Variants in DPH2 observed in about 807,000 individuals in gnomAD.
DPH2 encodes the protein diphthamide biosynthesis 2, also known as 2-(3-amino-3-carboxypropyl)histidine synthase subunit 2.
In DPH2, 28 loss-of-function variants were observed where a neutral mutation model predicts 42.5. The observed-to-expected ratio is 0.66, with a 90% CI of 0.49 to 0.90. The LOEUF (loss-of-function observed/expected upper bound fraction) is 0.90, where lower values mean the gene tolerates loss of function less well. DPH2 is among the 40% of genes least tolerant of loss of function. The pLI is 0.00. For synonymous variants in DPH2, 279 were observed against 264.4 expected (o/e 1.06, Z -0.53); for missense variants, 576 against 636.0 (o/e 0.91, Z 1.01).
chr1:43,971,358 A>G lies in DPH2; in HGVS notation c.485-29A>G, dbSNP rs780678710. On this transcript the variant is annotated intron_variant, in intron 3 of 5. Transcript: ENST00000255108. ...GGGAGCTCCTGCTTTGCCAGGCTCC[A>G]ACCTCAACACTACCTCCTTCTCTTC... The G allele has an allele frequency of 3.9e-6, 6 of 1,550,976 alleles. No individual in the cohort carries two copies. The African/African-American group carries it at 6.9e-5, about 18-fold the overall frequency.
rs1417441361 is a variant in DPH2 at position 43,971,211 on chromosome 1, T to C, written c.484+22T>C. 3 of 1,547,990 alleles carry C rather than the reference T, an allele frequency of 1.9e-6. No individual in the cohort carries two copies. In the South Asian group the frequency reaches 3.6e-5, roughly 18 times the overall value. On this transcript the variant is annotated intron_variant, in intron 3 of 5. Transcript: ENST00000255108. The stretch of plus-strand genomic sequence containing the variant: ...CTGGGTAAGGGGTTTTGCCTGTGTA[T>C]GCACAAAGGGTGAGCCAACTGCTTT...
rs1213179198 is a variant in DPH2 at position 43,971,817 on chromosome 1, C to A, written c.915C>A (p.Asn305Lys). 6.2e-7 allele frequency: 1 copy of A among 1,612,762 alleles called. No homozygotes were observed. Among genetic ancestry groups the A allele is most frequent in the Non-Finnish European group, 8.5e-7 (1 of 1,180,040 alleles). ...QHREALAHLR[N>K]LTQAAGKRSY... ...GTGAGGCACTGGCCCACTTGCGGAA[C>A]CTGACTCAGGCTGCTGGCAAGCGTA... Residue 305 changes from asparagine (N) to lysine (K), a missense_variant, in exon 4 of 6, where the codon AAC becomes AAA. Transcript: ENST00000255108.
Position 43,972,499 on chromosome 1 carries a change from GA to G in DPH2, c.1431del (p.Ile479LeufsTer86). On this transcript the variant is annotated frameshift_variant, in exon 6 of 6. Coordinates refer to ENST00000255108, the MANE Select transcript of DPH2 (RefSeq NM_001384.5). LOFTEE classifies it high-confidence loss of function. Reference sequence around the variant, plus strand: ...GTGACAGAAGCTGTGAGTGGAAGACGAGGGATTGCCATCGCCTATGAGGATG... The same window carrying G: ...GTGACAGAAGCTGTGAGTGGAAGACGGGGATTGCCATCGCCTATGAGGATG... ...TPVTEAVSGRRGIAIAYEDEG... is the reference protein window; with the variant it reads ...TPVTEAVSGRXGIAIAYEDEG... 6.2e-7 allele frequency: 1 copy of G among 1,614,266 alleles called. No homozygotes were observed. The highest frequency in any genetic ancestry group is 2.2e-5 in the East Asian group (1 of 44,892).
chr1:43,972,739 C>G lies in DPH2; in HGVS notation c.*200C>G, dbSNP rs147787761. On this transcript the variant is annotated 3_prime_UTR_variant, in exon 6 of 6. Transcript: ENST00000255108. ...CAAGCTCAGCACATGCCCAGTAATG[C>G]GTGTTGTTTGGCTGATGGAATAAAG... 1 of 690,018 alleles carries G rather than the reference C, an allele frequency of 1.4e-6. No individual in the cohort carries two copies. Among genetic ancestry groups the G allele is most frequent in the African/African-American group, 1.8e-5 (1 of 55,560 alleles). 42.7% of individuals were successfully genotyped at this position (690,018 alleles called of 1,614,324 possible).
chr1:43,971,059 G>T lies in DPH2; in HGVS notation c.354G>T (p.Leu118=). The change falls in exon 3 of 6, where the codon CTG becomes CTT. Residue 118 remains leucine, a synonymous_variant. Transcript: ENST00000255108. ...GCTTAAGCCCTCCAGCCCGCCCACT[G>T]CCCGTTGCCTTCGTGCTTCGTCAAC... The part of the protein sequence containing the change: ...PACLSPPARP[L]PVAFVLRQRS... 1 of 1,574,542 alleles carries T rather than the reference G, an allele frequency of 6.4e-7. No individual in the cohort carries two copies. Among genetic ancestry groups the T allele is most frequent in the Non-Finnish European group, 8.6e-7 (1 of 1,159,000 alleles).
chr1:43,972,372 C>G (rs2154302789), intron 5 of DPH2, 38 bp downstream of exon 5: 1 of 1,613,436 alleles, frequency 6.2e-7, no homozygotes, highest in Non-Finnish European at 8.5e-7. Flanking sequence ...TGAGCTTTTT[C>G]TCCAGATGCA....
intron 4 of DPH2, 39 bp from the exon 5 acceptor site, chr1:43,972,119 A>C: frequency 6.2e-7 from 1 of 1,609,386 alleles, no homozygotes; most frequent in Non-Finnish European, 8.5e-7. Flanking sequence ...GCACGGAGTC[A>C]GGGGGTGAGT....
Position 43,972,056 on chromosome 1 carries a change from C to T in DPH2, c.1154C>T (p.Ala385Val), listed in dbSNP as rs766685243. The change falls in exon 4 of 6, where the codon GCG (alanine) becomes GTG (valine). Residue 385 changes from alanine (A) to valine (V), a missense_variant. By Grantham distance (64) the Ala-to-Val change is moderately conservative (BLOSUM62 0). Coordinates refer to ENST00000255108, the MANE Select transcript of DPH2 (RefSeq NM_001384.5). The part of the protein sequence containing the change: ...PGLAPHLTHY[A>V]DLLPGSPFHV... Reference sequence around the variant, plus strand: ...CTGGCTCCCCACCTCACACATTATGCGGACTTATTGCCTGGTGAGTAGTGG... The same window carrying T: ...CTGGCTCCCCACCTCACACATTATGTGGACTTATTGCCTGGTGAGTAGTGG... The T allele has an allele frequency of 1.9e-5, 31 of 1,613,426 alleles. No individual in the cohort carries two copies. Among genetic ancestry groups the T allele is most frequent in the African/African-American group, 9.3e-5 (7 of 74,934 alleles).
In DPH2 at chr1:43,971,505, C is replaced by G. The variant is rs1014425893; in HGVS notation, c.603C>G (p.Arg201=). The G allele has an allele frequency of 1.2e-6, 2 of 1,614,234 alleles. No homozygotes were observed. Among genetic ancestry groups the G allele is most frequent in the Non-Finnish European group, 1.7e-6 (2 of 1,180,036 alleles). ...CTATGCCCCTAGAGCGTTTTGGGCG[C>G]CGCTTCCCCCTTGCCCCAGGGAGGC... ...PEPMPLERFG[R]RFPLAPGRRL... Residue 201 remains arginine, a synonymous_variant, in exon 4 of 6, where the codon CGC becomes CGG. Transcript: ENST00000255108.
At chr1:43,971,237 A>C in intron 3 of DPH2, 48 bp downstream of exon 3, 1 of 1,533,968 alleles carries the variant, frequency 6.5e-7, no homozygotes, top group Non-Finnish European at 8.8e-7. Flanking sequence ...CAACTGCTTT[A>C]TGCCTTAATT....
Position 43,971,418 on chromosome 1 carries a change from C to A in DPH2, c.516C>A (p.Tyr172Ter), listed in dbSNP as rs755703815. 21 of 1,605,828 alleles carry A rather than the reference C, an allele frequency of 1.3e-5. No individual in the cohort carries two copies. Among genetic ancestry groups the A allele is most frequent in the Non-Finnish European group, 1.8e-5 (21 of 1,174,556 alleles). ...EALATLLRPR[Y>*]LDLLVSSPAF... ...TGGCTACTCTCCTGCGCCCACGGTA[C>A]CTGGACCTGCTAGTCTCCAGCCCAG... is the stretch of plus-strand genomic sequence containing the variant. The change falls in exon 4 of 6, where the codon TAC becomes TAA. Residue 172 changes from tyrosine (Y) to a stop codon, truncating the protein, a stop_gained. Transcript: ENST00000255108. LOFTEE classifies it high-confidence loss of function.
chr1:43,972,546 G>A lies in DPH2; in HGVS notation c.*7G>A. ...GGATGAGGGAAGCGGCTGATACCAT[G>A]TGGGGCTGGAGACATAGATGGACTT... On this transcript the variant is annotated 3_prime_UTR_variant, in exon 6 of 6. Transcript: ENST00000255108. The A allele has an allele frequency of 1.2e-6, 2 of 1,614,210 alleles. No individual in the cohort carries two copies. The highest frequency in any genetic ancestry group is 8.5e-7 in the Non-Finnish European group (1 of 1,180,026).
In DPH2 at chr1:43,971,626, G is replaced by A. The variant is rs144632086; in HGVS notation, c.724G>A (p.Ala242Thr). 242 of 1,614,112 alleles carry A rather than the reference G, an allele frequency of 1.5e-4. 1 individual carries two copies. The African/African-American group carries it at 3.0e-3, about 20-fold the overall frequency. ...PDLSRLLLGW[A>T]PGQPFSSCCP... ...CCTGAGTCGGCTGCTCTTGGGGTGG[G>A]CACCAGGTCAACCCTTCTCCTCCTG... The change falls in exon 4 of 6, where the codon GCA (alanine) becomes ACA (threonine). Residue 242 changes from alanine to threonine, a missense_variant. Ala to Thr is a moderately conservative substitution (Grantham distance 58). Around this residue, in one of 3 missense-constraint regions of DPH2, gnomAD observed 395 missense variants for 435.2 expected, o/e 0.91. Transcript: ENST00000255108.
Position 43,970,661 on chromosome 1 carries a change from G to A in DPH2, c.213G>A (p.Glu71=). 6.2e-7 allele frequency: 1 copy of A among 1,614,212 alleles called. No individual in the cohort carries two copies. Among genetic ancestry groups the A allele is most frequent in the Non-Finnish European group, 8.5e-7 (1 of 1,180,032 alleles). The change falls in exon 2 of 6, where the codon GAG becomes GAA. Residue 71 remains glutamate (E), a synonymous_variant. Coordinates refer to ENST00000255108, the MANE Select transcript of DPH2 (RefSeq NM_001384.5). ...DAVAVAARLE[E]TTGSKMFILG... ...TGGCTGTGGCTGCACGACTGGAGGA[G>A]ACGACAGGGTCAAAGATGTTCATTC...
Position 43,970,958 on chromosome 1 carries a change from C to T in DPH2, c.261-8C>T, listed in dbSNP as rs932310991. 3.8e-6 allele frequency: 6 copies of T among 1,569,394 alleles called. No individual in the cohort carries two copies. Among genetic ancestry groups the T allele is most frequent in the East Asian group, 2.3e-5 (1 of 43,018 alleles). Reference sequence around the variant, plus strand: ...GAACCCATTTCTCTGATGCTATCTTCCCTGCAGCTGCTGCGTGGATGTGCT... The same window carrying T: ...GAACCCATTTCTCTGATGCTATCTTTCCTGCAGCTGCTGCGTGGATGTGCT... On this transcript the variant is annotated splice_polypyrimidine_tract_variant and splice_region_variant and intron_variant, in intron 2 of 5. Transcript: ENST00000255108.
Position 43,972,276 on chromosome 1 carries a change from T to C in DPH2, c.1287T>C (p.His429=). ...PPPAWKSSND[H]GSLALTPRPQ... ...CTGCCTGGAAGTCATCAAATGATCA[T>C]GGAAGCTTGGCTCTGACCCCACGGC... The change falls in exon 5 of 6, where the codon CAT becomes CAC. Residue 429 remains histidine (H), a synonymous_variant. Transcript: ENST00000255108. The C allele has an allele frequency of 6.2e-7, 1 of 1,614,214 alleles. No homozygotes were observed. Among genetic ancestry groups the C allele is most frequent in the Non-Finnish European group, 8.5e-7 (1 of 1,180,036 alleles).
intron 4 of DPH2, 29 bp from the exon 5 acceptor site, chr1:43,972,129 T>A: frequency 1.2e-6 from 2 of 1,610,610 alleles, no homozygotes; most frequent in Non-Finnish European, 8.5e-7. Flanking sequence ...AGGGGGTGAG[T>A]ATGGATTTTC....
At position 43,972,482 on chromosome 1, in the gene DPH2, A is replaced by C. The variant is rs558004664; in HGVS notation, c.1413A>C (p.Glu471Asp). The change falls in exon 6 of 6, where the codon GAA becomes GAC. Residue 471 changes from glutamate to aspartate, a missense_variant. Physicochemically the swap from Glu to Asp is conservative, Grantham distance 45 (BLOSUM62 2). Coordinates refer to ENST00000255108, the MANE Select transcript of DPH2 (RefSeq NM_001384.5). ...EPRLGQTPVT[E>D]AVSGRRGIAI... ...GCCTGGGTCAGACGCCAGTGACAGA[A>C]GCTGTGAGTGGAAGACGAGGGATTG... 1 of 1,614,258 alleles carries C rather than the reference A, an allele frequency of 6.2e-7. No individual in the cohort carries two copies.
In DPH2 at chr1:43,972,678, G is replaced by A. The variant is rs1474023626; in HGVS notation, c.*139G>A. The A allele has an allele frequency of 8.0e-7, 1 of 1,255,904 alleles. No homozygotes were observed. Among genetic ancestry groups the A allele is most frequent in the Non-Finnish European group, 1.1e-6 (1 of 901,924 alleles). 77.8% of individuals were successfully genotyped at this position (1,255,904 alleles called of 1,614,324 possible). On this transcript the variant is annotated 3_prime_UTR_variant, in exon 6 of 6. Coordinates refer to ENST00000255108, the MANE Select transcript of DPH2 (RefSeq NM_001384.5). Reference sequence around the variant, plus strand: ...AGGGAGAGCAGGCAGCCCTTCACAGGATAGGATCCGTCTCTGTCCTGTCCT... The same window carrying A: ...AGGGAGAGCAGGCAGCCCTTCACAGAATAGGATCCGTCTCTGTCCTGTCCT...
Sources: gnomAD v4.1 joint callset for allele counts on GRCh38, gnomAD v4.1.1 for gene constraint, gnomAD v4.1.1 regional missense constraint, MANE v1.5 for transcripts, NCBI Gene and HGNC (gene_info 2026-07-23, HGNC 2026-07-21) for gene names.